RS1: variants seen among roughly 807,000 people sequenced by gnomAD.
RS1 encodes retinoschisin.
In RS1, 2 loss-of-function variants were observed where a neutral mutation model predicts 20.8. The observed-to-expected ratio is 0.10, with a 90% CI of 0.04 to 0.30. The LOEUF is 0.30. Among genes scored for constraint, RS1 ranks in the 10% least tolerant of loss-of-function variants. RS1 has a pLI of 1.00. For synonymous variants in RS1, 70 were observed against 75.8 expected (o/e 0.92, Z 0.40); for missense variants, 151 against 189.8 (o/e 0.80, Z 1.20).
chrX:18,672,059 T>C lies in RS1; in HGVS notation c.10A>G (p.Lys4Glu), dbSNP rs756086692. 3.3e-6 allele frequency: 4 copies of C among 1,208,717 alleles called. No homozygotes were observed. The highest frequency in any genetic ancestry group is 4.5e-6 in the Non-Finnish European group (4 of 894,532). ...AGTAATAACAAAAAGCCTTCTATCT[T>C]GCGTGACATCTTCCCCTCGTCCTCG... MSR[K>E]IEGFLLLLLF... Residue 4 changes from lysine (K) to glutamate (E), a missense_variant, in exon 1 of 6, where the codon AAG becomes GAG. Physicochemically the swap from Lys to Glu is moderately conservative, Grantham distance 56. Transcript: ENST00000379984.
intron 1 of RS1, among the ~76,000 whole-genome samples, chrX:18,665,527 C>T (rs999985438): frequency 1.8e-5 from 2 of 110,344 alleles, no homozygotes; most frequent in African/African-American, 3.3e-5. Flanking sequence ...GCCTCAAATG[C>T]GTCCCCCCAC....
Position 18,650,368 on chromosome X carries a change from G to A in RS1, c.185-3036C>T, listed in dbSNP as rs190555376. On this transcript the variant is annotated intron_variant, in intron 3 of 5. Coordinates refer to ENST00000379984, the MANE Select transcript of RS1 (RefSeq NM_000330.4). ...GTCTGGGAGCCGATGCCTGCCTCCC[G>A]GGCCCCAAGCTTCATTCCACTGCCC... 39 of 1,186,691 alleles carry A rather than the reference G, an allele frequency of 3.3e-5. No homozygotes were observed. The African/African-American group carries it at 4.2e-4, about 13-fold the overall frequency.
chrX:18,667,873 T>C (rs948598088), intron 1 of RS1, among the ~76,000 whole-genome samples: 2 of 111,949 alleles, frequency 1.8e-5, no homozygotes, highest in Non-Finnish European at 3.8e-5. Context: ...CTTATGGAAG[T>C]GAGCAGAGAG....
intron 3 of RS1, among the ~76,000 whole-genome samples, chrX:18,656,338 AAGTT>A (rs1459993866): frequency 8.9e-6 from 1 of 111,824 alleles, no homozygotes; most frequent in African/African-American, 3.3e-5. Flanking sequence ...ATTTCATTGA[AAGTT>A]AGATCCCATC....
intron 3 of RS1, chrX:18,653,664 G>T (rs1265272136): frequency 2.0e-6 from 2 of 1,006,587 alleles, no homozygotes; most frequent in Non-Finnish European, 2.7e-6. Context: ...GAAAATATCT[G>T]TGTTGTTAAG....
intron 2 of RS1, among the ~76,000 whole-genome samples, 154 bp downstream of exon 2, chrX:18,657,486 G>A (rs1928238170): frequency 9.0e-6 from 1 of 110,874 alleles, no homozygotes; most frequent in African/African-American, 3.3e-5. Flanking sequence ...GCCTCCCAAA[G>A]TGTTGGGATT....
At chrX:18,653,515 C>A (rs1216606704) in intron 3 of RS1, 1 of 1,210,445 alleles carries the variant, frequency 8.3e-7, no homozygotes, top group East Asian at 3.0e-5. Flanking sequence ...CCTGACATAC[C>A]ATGAGAATGC....
chrX:18,659,608 C>T (rs973585503), intron 1 of RS1, among the ~76,000 whole-genome samples: 2 of 112,146 alleles, frequency 1.8e-5, no homozygotes, highest in South Asian at 7.4e-4. Flanking sequence ...TTTCTATCAT[C>T]GCAGAAGGTT....
At chrX:18,654,715 T>A (rs1928180593) in intron 3 of RS1, among the ~76,000 whole-genome samples, 1 of 111,621 alleles carries the variant, frequency 9.0e-6, no homozygotes, top group Non-Finnish European at 1.9e-5. Flanking sequence ...AGGGGATGTC[T>A]GATAGGAAAA....
chrX:18,642,286 G>GC (rs1291238048), intron 5 of RS1, 130 bp from the exon 6 acceptor site: 1 of 697,518 alleles, frequency 1.4e-6, no homozygotes, highest in Non-Finnish European at 2.2e-6. Flanking sequence ...GTTTGCGGGT[G>GC]CCCCCCAAAA....
chrX:18,656,531 A>C, intron 3 of RS1, 122 bp downstream of exon 3: 1 of 582,183 alleles, frequency 1.7e-6, no homozygotes, highest in East Asian at 3.3e-5. Context: ...CACAGCTACC[A>C]CTCATCTTTC....
intron 3 of RS1, among the ~76,000 whole-genome samples, chrX:18,655,259 TA>T (rs746524596): frequency 8.9e-6 from 1 of 112,240 alleles, no homozygotes; most frequent in Non-Finnish European, 1.9e-5. Flanking sequence ...GTCAACAAAC[TA>T]TGACCCATGG....
At chrX:18,655,922 G>A (rs1352680383) in intron 3 of RS1, among the ~76,000 whole-genome samples, 2 of 108,382 alleles carry the variant, frequency 1.8e-5, no homozygotes, top group Admixed American at 2.0e-4. Context: ...TGGCTCTAGA[G>A]CCTGTGCTCT....
rs1359450307 is a variant in RS1, at chrX:18,641,353, T to TG, written c.*650dup. 8.8e-6 allele frequency: 1 copy of TG among 113,354 alleles called. No homozygotes were observed. The highest frequency in any genetic ancestry group is 3.3e-5 in the African/African-American group (1 of 30,564). 9.3% of individuals were successfully genotyped at this position (113,354 alleles called of 1,213,427 possible). A position where few individuals can be genotyped will look rare whatever the true frequency, so the allele number is the denominator to read the frequency against. On this transcript the variant is annotated 3_prime_UTR_variant, in exon 6 of 6. Transcript: ENST00000379984. ...TCCCCAATCCCTGTGTTCATGAGGGTGGAAGCCCAGATCCGCCTTGAAGGT... is the reference window on the plus strand; with the variant it reads ...TCCCCAATCCCTGTGTTCATGAGGGTGGGAAGCCCAGATCCGCCTTGAAGGT...
intron 3 of RS1, chrX:18,650,175 G>A (rs1927968521): frequency 1.1e-5 from 5 of 451,641 alleles, no homozygotes; most frequent in Non-Finnish European, 2.0e-5. Context: ...AGCCCTGCAG[G>A]GGTACCTGGC....
chrX:18,663,027 A>T (rs1317805660), intron 1 of RS1, among the ~76,000 whole-genome samples: 1 of 101,170 alleles, frequency 9.9e-6, no homozygotes, highest in African/African-American at 3.7e-5. Flanking sequence ...TTCCAAGAAC[A>T]ATGACTTTTT....
chrX:18,643,753 T>G (rs182130037), intron 5 of RS1, among the ~76,000 whole-genome samples: 4 of 110,871 alleles, frequency 3.6e-5, no homozygotes, highest in African/African-American at 9.8e-5. Context: ...CCTGGGGAAC[T>G]CCTTACTCTT....
intron 1 of RS1, among the ~76,000 whole-genome samples, chrX:18,658,466 C>CT (rs956156243): frequency 8.3e-5 from 9 of 108,830 alleles, no homozygotes; most frequent in Non-Finnish European, 1.5e-4. Flanking sequence ...TTCTTTCTTT[C>CT]TTTTTTGAGA....
At chrX:18,649,517 C>T (rs1487303845) in intron 3 of RS1, among the ~76,000 whole-genome samples, 3 of 111,807 alleles carry the variant, frequency 2.7e-5, no homozygotes, top group East Asian at 5.6e-4. Flanking sequence ...GACCTCTGGC[C>T]GGGGAGGCTT....
Sources: gnomAD v4.1 joint callset for allele counts (sites outside exome capture counted in the v4.1 genomes callset) on GRCh38, gnomAD v4.1.1 for gene constraint, MANE v1.5 for transcripts, NCBI Gene and HGNC (gene_info 2026-07-23, HGNC 2026-07-21) for gene names.